Variants in KCNIP1 observed in about 807,000 individuals in gnomAD.
KCNIP1 encodes the protein potassium voltage-gated channel interacting protein 1.
A neutral mutation model predicts 33.0 loss-of-function variants in KCNIP1; 18 were observed. The ratio of observed to expected loss-of-function variants is 0.55; its 90% CI spans 0.38 to 0.81. The LOEUF is 0.81. KCNIP1 is among the 30% of genes least tolerant of loss of function. KCNIP1 has a pLI of 0.00. For synonymous variants in KCNIP1, 93 were observed against 98.3 expected (o/e 0.95, Z 0.32); for missense variants, 238 against 271.6 (o/e 0.88, Z 0.87).
chr5:170,699,323 C>G (rs1475066338), intron 1 of KCNIP1, among the ~76,000 whole-genome samples: 1 of 151,828 alleles, frequency 6.6e-6, no homozygotes, highest in Non-Finnish European at 1.5e-5. Context: ...GTTTTATAAC[C>G]CTTGCTTTTT....
intron 1 of KCNIP1, among the ~76,000 whole-genome samples, chr5:170,408,372 T>A (rs2113399681): frequency 6.6e-6 from 1 of 152,310 alleles, no homozygotes; most frequent in South Asian, 2.1e-4. Flanking sequence ...GGAATCTCCA[T>A]GGCTCAGCCA....
At chr5:170,362,550 A>G (rs565327899) in intron 1 of KCNIP1, among the ~76,000 whole-genome samples, 1 of 152,222 alleles carries the variant, frequency 6.6e-6, no homozygotes, top group Admixed American at 6.5e-5. Flanking sequence ...AAACAACAAA[A>G]CATATGGGGA....
At chr5:170,419,033 G>T (rs906014615) in intron 1 of KCNIP1, among the ~76,000 whole-genome samples, 3 of 152,200 alleles carry the variant, frequency 2.0e-5, no homozygotes, top group Non-Finnish European at 4.4e-5. Flanking sequence ...CATGAACTTA[G>T]CAAAAAACAA....
intron 1 of KCNIP1, among the ~76,000 whole-genome samples, chr5:170,398,209 G>T (rs76479572): frequency 1.3e-5 from 2 of 152,312 alleles, no homozygotes; most frequent in East Asian, 1.9e-4. Context: ...CTTTTGGAAT[G>T]CCCTGGTGAG....
intron 1 of KCNIP1, among the ~76,000 whole-genome samples, chr5:170,541,179 G>C (rs1366714098): frequency 6.6e-6 from 1 of 152,122 alleles, no homozygotes; most frequent in Admixed American, 6.5e-5. Context: ...TGGTAGGGGT[G>C]GGAAAAGGAT....
At chr5:170,477,758 A>G (rs1464720490) in intron 1 of KCNIP1, among the ~76,000 whole-genome samples, 1 of 152,002 alleles carries the variant, frequency 6.6e-6, no homozygotes, top group Non-Finnish European at 1.5e-5. Context: ...GCTCTTATCT[A>G]TTTACTTGAT....
chr5:170,405,665 C>T (rs1424709400), intron 1 of KCNIP1, among the ~76,000 whole-genome samples: 1 of 152,206 alleles, frequency 6.6e-6, no homozygotes, highest in Non-Finnish European at 1.5e-5. Context: ...TGTCTGTGGT[C>T]ATTGTTCTCT....
chr5:170,566,293 G>A (rs1353927714), intron 1 of KCNIP1, among the ~76,000 whole-genome samples: 2 of 152,078 alleles, frequency 1.3e-5, no homozygotes, highest in African/African-American at 4.8e-5. Flanking sequence ...GGGTTTCATT[G>A]TGTTGGCTAG....
intron 1 of KCNIP1, among the ~76,000 whole-genome samples, chr5:170,572,243 G>A (rs1285176988): frequency 1.3e-5 from 2 of 152,184 alleles, no homozygotes; most frequent in African/African-American, 2.4e-5. Context: ...AATTGAACAC[G>A]CACAGGCACA....
chr5:170,389,272 T>C (rs555959694), intron 1 of KCNIP1: 1 of 152,342 alleles, frequency 6.6e-6, no homozygotes, highest in East Asian at 1.9e-4. Context: ...CTTCCCGGCG[T>C]CCTGTGGGTC....
chr5:170,606,151 T>A (rs1006411206), intron 1 of KCNIP1, among the ~76,000 whole-genome samples: 20 of 152,248 alleles, frequency 1.3e-4, no homozygotes, highest in African/African-American at 4.3e-4. Context: ...CATCAGTTGA[T>A]GAACCTTTGG....
chr5:170,584,708 G>C lies in KCNIP1; in HGVS notation c.61+80075G>C, dbSNP rs972025454. ...TCCGGGGACTTAGTGGCTGGCAGAGGGGACTCTTTTCCCCAGTGACTCATA... is the reference window on the plus strand; with the variant it reads ...TCCGGGGACTTAGTGGCTGGCAGAGCGGACTCTTTTCCCCAGTGACTCATA... On this transcript the variant is annotated intron_variant, in intron 1 of 7. Transcript: ENST00000328939. Among the ~76,000 whole-genome samples, 3 of 152,146 alleles carry C rather than the reference G, an allele frequency of 2.0e-5. No homozygotes were observed. The South Asian group carries it at 6.2e-4, about 31-fold the overall frequency.
At chr5:170,702,607 A>G (rs1763133625) in intron 1 of KCNIP1, among the ~76,000 whole-genome samples, 1 of 152,198 alleles carries the variant, frequency 6.6e-6, no homozygotes, top group South Asian at 2.1e-4. Context: ...GACTTGTATT[A>G]GTGGAATTTG....
chr5:170,627,175 G>C (rs1196585796), intron 1 of KCNIP1, among the ~76,000 whole-genome samples: 1 of 152,172 alleles, frequency 6.6e-6, no homozygotes, highest in Non-Finnish European at 1.5e-5. Flanking sequence ...CAGGAGCTGG[G>C]TCTCTGGCCA....
intron 1 of KCNIP1, among the ~76,000 whole-genome samples, chr5:170,561,457 C>T (rs116431145): frequency 0.018 from 2,676 of 152,246 alleles, 74 homozygotes; most frequent in African/African-American, 0.059. Flanking sequence ...ACCAAAGGCA[C>T]GTGGAAGGGG....
chr5:170,587,146 G>T (rs1454312735), intron 1 of KCNIP1, among the ~76,000 whole-genome samples: 1 of 152,148 alleles, frequency 6.6e-6, no homozygotes, highest in African/African-American at 2.4e-5. Flanking sequence ...AATGGGCCGG[G>T]TGCAGTGGCT....
intron 1 of KCNIP1, among the ~76,000 whole-genome samples, chr5:170,604,354 G>A (rs1430834449): frequency 6.6e-6 from 1 of 152,202 alleles, no homozygotes; most frequent in Non-Finnish European, 1.5e-5. Context: ...CCACTCTGAT[G>A]CCAGAGCCCA....
chr5:170,423,083 C>G (rs1183675282), intron 1 of KCNIP1, among the ~76,000 whole-genome samples: 1 of 152,152 alleles, frequency 6.6e-6, no homozygotes, highest in Non-Finnish European at 1.5e-5. Flanking sequence ...ACAACCCTGT[C>G]TCAAACAAAC....
At chr5:170,450,620 G>GC (rs1227820472) in intron 1 of KCNIP1, among the ~76,000 whole-genome samples, 1 of 151,930 alleles carries the variant, frequency 6.6e-6, no homozygotes, top group African/African-American at 2.4e-5. Flanking sequence ...CCTCATTCCT[G>GC]CCCCTGTAAA....
Sources: gnomAD v4.1 joint callset for allele counts (sites outside exome capture counted in the v4.1 genomes callset) on GRCh38, gnomAD v4.1.1 for gene constraint, MANE v1.5 for transcripts, NCBI Gene and HGNC (gene_info 2026-07-23, HGNC 2026-07-21) for gene names.